ARL15: variants seen among roughly 807,000 people sequenced by gnomAD.
The protein encoded by ARL15 is ADP-ribosylation factor-like protein 15.
In ARL15, 19 loss-of-function variants were observed where a neutral mutation model predicts 25.2. That is an observed-to-expected ratio of 0.75 (90% CI 0.53 to 1.10). The LOEUF is 1.10. ARL15 is among the 50% of genes least tolerant of loss of function. The pLI, the probability that ARL15 is intolerant of heterozygous loss-of-function variation, is 0.00. For missense variants in ARL15, 220 were observed against 246.0 expected (o/e 0.89, Z 0.71); for synonymous variants, 94 against 86.8 (o/e 1.08, Z -0.46).
At chr5:54,007,445 A>G (rs113702857) in intron 4 of ARL15, among the ~76,000 whole-genome samples, 15 of 152,276 alleles carry the variant, frequency 9.9e-5, no homozygotes, top group African/African-American at 3.1e-4. Context: ...TAGCATCTTC[A>G]GTTTTTGTCC....
intron 1 of ARL15, among the ~76,000 whole-genome samples, chr5:54,251,152 TAAG>T (rs1474638361): frequency 3.9e-5 from 6 of 152,088 alleles, no homozygotes; most frequent in Non-Finnish European, 8.8e-5. Context: ...CTAATTCAGG[TAAG>T]AAGGAAGAAG....
intron 4 of ARL15, among the ~76,000 whole-genome samples, chr5:54,101,853 C>T (rs1410883174): frequency 1.3e-5 from 2 of 152,060 alleles, no homozygotes; most frequent in Non-Finnish European, 2.9e-5. Flanking sequence ...TAAAGAAAAA[C>T]ATCAAAGTTA....
intron 3 of ARL15, among the ~76,000 whole-genome samples, chr5:54,150,751 T>C (rs1754040491): frequency 6.6e-6 from 1 of 151,790 alleles, no homozygotes; most frequent in South Asian, 2.1e-4. Flanking sequence ...TGAGCCGAGA[T>C]TGCACCACTG....
chr5:54,192,612 T>C (rs1441621932), intron 1 of ARL15, among the ~76,000 whole-genome samples: 1 of 132,770 alleles, frequency 7.5e-6, no homozygotes, highest in Non-Finnish European at 1.5e-5. Flanking sequence ...GTGTTTTGTC[T>C]TCCTCTAGAA....
chr5:53,936,014 G>A (rs1192439609), intron 4 of ARL15, among the ~76,000 whole-genome samples: 2 of 152,124 alleles, frequency 1.3e-5, no homozygotes, highest in Admixed American at 6.5e-5. Flanking sequence ...CTCCCAAAGT[G>A]CTGGGATTAC....
At chr5:54,120,268 A>G (rs927876935) in intron 3 of ARL15, among the ~76,000 whole-genome samples, 1 of 152,158 alleles carries the variant, frequency 6.6e-6, no homozygotes, top group African/African-American at 2.4e-5. Context: ...TCTGCAAGGA[A>G]TCTCTCATTC....
intron 4 of ARL15, among the ~76,000 whole-genome samples, chr5:53,938,690 G>T (rs1260934138): frequency 6.6e-6 from 1 of 152,150 alleles, no homozygotes; most frequent in Admixed American, 6.5e-5. Context: ...GCCGGGTGTG[G>T]TGCCATGTGC....
chr5:54,168,023 T>G (rs532734275), intron 2 of ARL15, among the ~76,000 whole-genome samples: 2 of 152,358 alleles, frequency 1.3e-5, no homozygotes, highest in East Asian at 3.9e-4. Context: ...GGATATTATA[T>G]AGAACTGTCT....
intron 4 of ARL15, among the ~76,000 whole-genome samples, chr5:53,968,187 G>A (rs1195696838): frequency 6.6e-6 from 1 of 152,160 alleles, no homozygotes; most frequent in African/African-American, 2.4e-5. Flanking sequence ...GCACCATGAT[G>A]TAAACTGATA....
chr5:54,227,026 C>A (rs912539779), intron 1 of ARL15, among the ~76,000 whole-genome samples: 1 of 152,146 alleles, frequency 6.6e-6, no homozygotes, highest in Non-Finnish European at 1.5e-5. Context: ...GCTTTTCCCC[C>A]ATGATTGTGT....
At chr5:54,116,562 T>A (rs1752905042) in intron 3 of ARL15, among the ~76,000 whole-genome samples, 1 of 152,242 alleles carries the variant, frequency 6.6e-6, no homozygotes, top group Admixed American at 6.5e-5. Flanking sequence ...CATGCTTTAT[T>A]GTAAATTCCA....
intron 2 of ARL15, among the ~76,000 whole-genome samples, chr5:54,161,516 G>A (rs558248492): frequency 1.3e-5 from 2 of 152,186 alleles, no homozygotes; most frequent in South Asian, 2.1e-4. Flanking sequence ...TAAAACTAAC[G>A]TTTACTTATC....
chr5:54,123,920 G>T (rs1753166558), intron 3 of ARL15, among the ~76,000 whole-genome samples: 1 of 152,156 alleles, frequency 6.6e-6, no homozygotes, highest in African/African-American at 2.4e-5. Flanking sequence ...AGCATTAAAG[G>T]AGTAGGGATC....
chr5:54,018,478 C>T (rs908073454), intron 4 of ARL15, among the ~76,000 whole-genome samples: 1 of 152,136 alleles, frequency 6.6e-6, no homozygotes, highest in African/African-American at 2.4e-5. Flanking sequence ...GAAGAAAAGG[C>T]ACAAGTTAAG....
chr5:53,962,433 T>C (rs1470933565), intron 4 of ARL15, among the ~76,000 whole-genome samples: 2 of 152,142 alleles, frequency 1.3e-5, no homozygotes, highest in African/African-American at 4.8e-5. Flanking sequence ...TATAGAATCT[T>C]CCATAATAAT....
chr5:53,966,220 C>T (rs1048608931), intron 4 of ARL15, among the ~76,000 whole-genome samples: 11 of 152,032 alleles, frequency 7.2e-5, no homozygotes, highest in African/African-American at 2.4e-4. Context: ...ATCATTCCTC[C>T]GTAATGAAGC....
At chr5:53,900,536 T>C (rs185077650) in intron 4 of ARL15, among the ~76,000 whole-genome samples, 150 of 63,076 alleles carry the variant, frequency 2.4e-3, no homozygotes, top group African/African-American at 7.3e-3. Context: ...CCTCAGTTCC[T>C]TGAGGGCACA....
chr5:54,200,950 A>C (rs1275748165), intron 1 of ARL15, among the ~76,000 whole-genome samples: 7 of 152,136 alleles, frequency 4.6e-5, no homozygotes, highest in Admixed American at 2.0e-4. Context: ...AATCGGATTT[A>C]CTTTCACCAC....
At chr5:53,991,631 G>C (rs531224310) in intron 4 of ARL15, among the ~76,000 whole-genome samples, 2 of 151,858 alleles carry the variant, frequency 1.3e-5, no homozygotes, top group Non-Finnish European at 2.9e-5. Context: ...TATCAGGTGG[G>C]GAAGAACAGA....
Sources: allele counts gnomAD v4.1 joint callset (sites outside exome capture counted in the v4.1 genomes callset), GRCh38; gene constraint gnomAD v4.1.1; transcripts MANE v1.5; gene names NCBI Gene and HGNC (gene_info 2026-07-23, HGNC 2026-07-21).